Variants in BUB1 observed in about 807,000 individuals in gnomAD.
BUB1 encodes the protein BUB1 mitotic checkpoint serine/threonine kinase.
Under a neutral mutation model 135.2 loss-of-function variants are expected in BUB1, and 84 were observed. The ratio of observed to expected loss-of-function variants is 0.62; its 90% CI spans 0.52 to 0.74. The LOEUF (loss-of-function observed/expected upper bound fraction) is 0.74, where lower values mean the gene tolerates loss of function less well. BUB1 is among the 30% of genes least tolerant of loss of function. The pLI, the probability that BUB1 is intolerant of heterozygous loss-of-function variation, is 0.00. For missense variants in BUB1, 1,162 were observed against 1,288.3 expected (o/e 0.90, Z 1.50); for synonymous variants, 403 against 434.4 (o/e 0.93, Z 0.90).
chr2:110,644,531 T>G (rs1461769114), intron 19 of BUB1, among the ~76,000 whole-genome samples: 1 of 136,860 alleles, frequency 7.3e-6, no homozygotes, highest in East Asian at 2.1e-4. Context: ...TTTTCCAAAA[T>G]TAATGATAGA....
chr2:110,662,216 A>G (rs1690119504), intron 9 of BUB1, among the ~76,000 whole-genome samples: 1 of 152,238 alleles, frequency 6.6e-6, no homozygotes. Flanking sequence ...TCCCATTAAA[A>G]TACCCTTAGA....
intron 18 of BUB1, among the ~76,000 whole-genome samples, chr2:110,650,207 C>T (rs372975043): frequency 7.0e-4 from 16 of 22,784 alleles, no homozygotes; most frequent in Admixed American, 5.9e-3. Flanking sequence ...AGGGGGTGGG[C>T]GGGGGGGGGT....
At chr2:110,649,503 G>T in intron 18 of BUB1, 126 bp from the exon 19 acceptor site, 2 of 876,676 alleles carry the variant, frequency 2.3e-6, no homozygotes, top group Non-Finnish European at 3.3e-6. Flanking sequence ...CCTTATAAGA[G>T]TATTAATTCA....
intron 19 of BUB1, among the ~76,000 whole-genome samples, chr2:110,645,518 T>C (rs534546179): frequency 1.3e-5 from 2 of 151,830 alleles, no homozygotes; most frequent in South Asian, 2.1e-4. Context: ...ATAATAGCTA[T>C]ATTCATTTCT....
chr2:110,646,231 G>A (rs1230090350), intron 19 of BUB1, among the ~76,000 whole-genome samples: 2 of 150,834 alleles, frequency 1.3e-5, no homozygotes, highest in Non-Finnish European at 2.9e-5. Context: ...AACTACTCAG[G>A]AAGCTGGGGC....
At chr2:110,665,179 A>T (rs1030904679) in intron 9 of BUB1, among the ~76,000 whole-genome samples, 11 of 152,258 alleles carry the variant, frequency 7.2e-5, no homozygotes, top group African/African-American at 2.7e-4. Flanking sequence ...TAGAAAAAGC[A>T]GAAAATAAGT....
intron 19 of BUB1, 144 bp from the exon 20 acceptor site, chr2:110,642,378 T>C: frequency 2.0e-6 from 1 of 511,096 alleles, no homozygotes; most frequent in Non-Finnish European, 3.5e-6. Context: ...ATAACCATGG[T>C]ATATTTGTCA....
intron 19 of BUB1, chr2:110,649,033 T>C (rs1410476640): frequency 2.3e-6 from 1 of 426,134 alleles, no homozygotes; most frequent in Non-Finnish European, 4.1e-6. Flanking sequence ...CTATGAGTTA[T>C]AGGAGTTATA....
At chr2:110,641,827 C>T in intron 20 of BUB1, 24 bp from the exon 21 acceptor site, 1 of 1,594,948 alleles carries the variant, frequency 6.3e-7, no homozygotes, top group Non-Finnish European at 8.5e-7. Flanking sequence ...ATGTGAAATT[C>T]ATATCCAATC....
chr2:110,670,215 T>A (rs1340692471), intron 5 of BUB1, among the ~76,000 whole-genome samples: 1 of 143,616 alleles, frequency 7.0e-6, no homozygotes, highest in Non-Finnish European at 1.5e-5. Flanking sequence ...TTCAGCTCAC[T>A]GCAACCTCTG....
chr2:110,669,757 A>G (rs1031611831), intron 5 of BUB1, among the ~76,000 whole-genome samples: 18 of 152,190 alleles, frequency 1.2e-4, no homozygotes, highest in African/African-American at 4.3e-4. Flanking sequence ...GCCAGGAAGT[A>G]CCCAAAAGAA....
chr2:110,677,060 A>T (rs960481854), intron 1 of BUB1, among the ~76,000 whole-genome samples: 2 of 152,178 alleles, frequency 1.3e-5, no homozygotes, highest in Admixed American at 6.5e-5. Context: ...TCTAACACCA[A>T]CCACATTTCT....
intron 19 of BUB1, among the ~76,000 whole-genome samples, chr2:110,644,334 G>A (rs548954381): frequency 4.0e-5 from 6 of 151,596 alleles, no homozygotes; most frequent in Admixed American, 3.3e-4. Context: ...AAAATTAGCC[G>A]GGTATGGTGG....
chr2:110,664,042 A>AT (rs1690176438), intron 9 of BUB1, among the ~76,000 whole-genome samples: 1 of 151,740 alleles, frequency 6.6e-6, no homozygotes, highest in East Asian at 1.9e-4. Flanking sequence ...AAAAAAAAAA[A>AT]AAAGAATTTA....
At chr2:110,638,879 T>C (rs1689426849) in intron 24 of BUB1, among the ~76,000 whole-genome samples, 1 of 152,198 alleles carries the variant, frequency 6.6e-6, no homozygotes, top group Admixed American at 6.5e-5. Flanking sequence ...GAACCTAACC[T>C]TACTTATGTA....
intron 4 of BUB1, 100 bp from the exon 5 acceptor site, chr2:110,670,668 G>A: frequency 8.1e-7 from 1 of 1,233,838 alleles, no homozygotes; most frequent in Non-Finnish European, 1.2e-6. Context: ...TTATAAGCTA[G>A]TAAAGTCTGA....
At chr2:110,649,099 T>C in intron 19 of BUB1, 135 bp downstream of exon 19, 1 of 759,494 alleles carries the variant, frequency 1.3e-6, no homozygotes, top group East Asian at 2.7e-5. Flanking sequence ...ATCAGTTTAG[T>C]ATTACAGATA....
At chr2:110,656,927 T>G in intron 15 of BUB1, 109 bp downstream of exon 15, 1 of 671,834 alleles carries the variant, frequency 1.5e-6, no homozygotes, top group Non-Finnish European at 2.4e-6. Context: ...GTTTCATAGT[T>G]TTTAGCATAG....
chr2:110,665,484 A>G (rs1358830506), intron 9 of BUB1, among the ~76,000 whole-genome samples: 1 of 151,988 alleles, frequency 6.6e-6, no homozygotes, highest in Non-Finnish European at 1.5e-5. Context: ...AGGAGGATAC[A>G]ATGAACAGTT....
Sources: allele counts gnomAD v4.1 joint callset (sites outside exome capture counted in the v4.1 genomes callset), GRCh38; gene constraint gnomAD v4.1.1; transcripts MANE v1.5; gene names NCBI Gene and HGNC (gene_info 2026-07-23, HGNC 2026-07-21).